The following MYO9A variants were observed in gnomAD, a reference collection of about 807,000 sequenced individuals.
The protein encoded by MYO9A is myosin IXA.
In MYO9A, 103 loss-of-function variants were observed where a neutral mutation model predicts 293.3. The ratio of observed to expected loss-of-function variants is 0.35; its 90% CI spans 0.30 to 0.41. The LOEUF is 0.41. Ranked by LOEUF, MYO9A falls within the 10% of genes least tolerant of loss-of-function variation. The probability of loss-of-function intolerance (pLI) is 1.00; values close to 1 mark genes in which losing one functional copy is unlikely to be tolerated. For synonymous variants in MYO9A, 1,001 were observed against 1,035.7 expected, an observed-to-expected ratio of 0.97 and a Z score of 0.64; for missense variants, 2,685 against 3,033.0, an observed-to-expected ratio of 0.89 and a Z score of 2.69.
chr15:71,981,925 G>A (rs181149522), intron 11 of MYO9A, among the ~76,000 whole-genome samples: 1 of 150,022 alleles, frequency 6.7e-6, no homozygotes, highest in East Asian at 2.0e-4. Context: ...ATAGCTTTAG[G>A]CATTTCCCAT....
intron 19 of MYO9A, 54 bp downstream of exon 19, chr15:71,916,316 T>C (rs2058010805): frequency 2.5e-6 from 4 of 1,580,240 alleles, no homozygotes; most frequent in South Asian, 2.4e-5. Context: ...AACCTTTCAA[T>C]GACAATCTGA....
intron 1 of MYO9A, among the ~76,000 whole-genome samples, chr15:72,048,396 CA>C (rs200287252): frequency 0.25 from 31,088 of 123,922 alleles, 3,350 homozygotes; most frequent in East Asian, 0.44. Flanking sequence ...GAGACTGTCT[CA>C]AAAAAAAAAA....
intron 25 of MYO9A, among the ~76,000 whole-genome samples, chr15:71,894,620 T>C (rs540562770): frequency 1.3e-5 from 2 of 152,212 alleles, no homozygotes; most frequent in East Asian, 1.9e-4. Context: ...TGATGTTGAA[T>C]AGCCTAAAAT....
intron 7 of MYO9A, 103 bp from the exon 8 acceptor site, chr15:72,008,055 T>C (rs977383063): frequency 2.8e-5 from 38 of 1,369,072 alleles, no homozygotes; most frequent in Non-Finnish European, 3.7e-5. Context: ...ATATGAAGTA[T>C]TTAGTCTTTG....
chr15:71,822,572 T>C lies in MYO9A; in HGVS notation c.*4008A>G, dbSNP rs1178309911. 6.6e-6 allele frequency: 1 copy of C among 152,228 alleles called. No homozygotes were observed. Among genetic ancestry groups the C allele is most frequent in the African/African-American group, 2.4e-5 (1 of 41,462 alleles). The allele number at this position is 152,228 out of a possible 1,614,324, so 9.4% of individuals were successfully genotyped here. On this transcript the variant is annotated 3_prime_UTR_variant, in exon 42 of 42. Coordinates refer to ENST00000356056, the MANE Select transcript of MYO9A (RefSeq NM_006901.4). ...GTAAAATGTTATATTTCACAGGATA[T>C]GTCCTTTTATAATACAGTTTTTAAA...
In MYO9A at chr15:71,880,530, A is replaced by C; in HGVS notation, c.5427T>G (p.Pro1809=). ...AACTGCCGGGCAGTTCTGGGCTCAA[A>C]GGAGGTGTTGGGTGATATGCAGCTA... The part of the protein sequence containing the change: ...DELAAYHPTP[P]LSPELPGSCR... Residue 1809 remains proline (P), a synonymous_variant, in exon 29 of 42, where the codon CCT becomes CCG. Transcript: ENST00000356056. 1 of 1,614,134 alleles carries C rather than the reference A, an allele frequency of 6.2e-7. No individual in the cohort carries two copies. Among genetic ancestry groups the C allele is most frequent in the Non-Finnish European group, 8.5e-7 (1 of 1,179,968 alleles).
intron 8 of MYO9A, among the ~76,000 whole-genome samples, chr15:72,007,377 T>C (rs902505976): frequency 2.6e-5 from 4 of 151,490 alleles, no homozygotes; most frequent in Admixed American, 6.6e-5. Flanking sequence ...CTTTATGTCC[T>C]ATTCAACCCA....
chr15:72,046,354 A>G lies in MYO9A; in HGVS notation c.210T>C (p.Gly70=). 1 of 1,613,912 alleles carries G rather than the reference A, an allele frequency of 6.2e-7. No individual in the cohort carries two copies. Among genetic ancestry groups the G allele is most frequent in the South Asian group, 1.1e-5 (1 of 91,088 alleles). ...TTGGATTGAGAATCCATTCTTCTCC[A>G]CCAAATTCCTTTACCTCTGCTAGAA... is the stretch of plus-strand genomic sequence containing the variant. ...CYVLAEVKEF[G]GEEWILNPTD... Residue 70 remains glycine, a synonymous_variant, in exon 2 of 42, where the codon GGT becomes GGC. Transcript: ENST00000356056.
At chr15:72,096,987 G>A (rs1047859129) in intron 1 of MYO9A, among the ~76,000 whole-genome samples, 1 of 152,202 alleles carries the variant, frequency 6.6e-6, no homozygotes. Context: ...GCTTCTTACT[G>A]ATGACCAAAG....
At chr15:72,085,169 T>C (rs2079677044) in intron 1 of MYO9A, among the ~76,000 whole-genome samples, 1 of 151,922 alleles carries the variant, frequency 6.6e-6, no homozygotes, top group Non-Finnish European at 1.5e-5. Flanking sequence ...CCAAGGTGGG[T>C]GAATCATGAA....
intron 32 of MYO9A, among the ~76,000 whole-genome samples, chr15:71,864,165 G>A (rs1048680358): frequency 2.0e-5 from 3 of 152,076 alleles, no homozygotes; most frequent in East Asian, 1.9e-4. Flanking sequence ...TCAAAAATGG[G>A]CAAAATACTG....
intron 1 of MYO9A, among the ~76,000 whole-genome samples, chr15:72,049,125 A>C (rs2078478822): frequency 6.6e-6 from 1 of 152,190 alleles, no homozygotes; most frequent in Non-Finnish European, 1.5e-5. Flanking sequence ...TTACAAGTGC[A>C]CTTTTGATGG....
rs1476195374 is a variant in MYO9A, at chr15:71,826,956, T to A, written c.7271A>T (p.Asp2424Val). Residue 2424 changes from aspartate (D) to valine (V), a missense_variant, in exon 42 of 42, where the codon GAC becomes GTC. This residue lies in a region of MYO9A where 350 missense variants were observed against 328.9 expected (regional missense o/e 1.06). Transcript: ENST00000356056. Reference protein sequence around the residue: ...KLRKQLKKQQDSLDVVDSSVS... With the variant: ...KLRKQLKKQQVSLDVVDSSVS... ...CGAAGAGTCCACGACATCTAAAGAGTCTTGCTGCTTTTTAAGTTGCTTTCG... is the reference window on the plus strand; with the variant it reads ...CGAAGAGTCCACGACATCTAAAGAGACTTGCTGCTTTTTAAGTTGCTTTCG... 6.2e-7 allele frequency: 1 copy of A among 1,613,592 alleles called. No homozygotes were observed. Among genetic ancestry groups the A allele is most frequent in the Non-Finnish European group, 8.5e-7 (1 of 1,179,856 alleles).
chr15:72,019,183 C>A, intron 5 of MYO9A, 88 bp from the exon 6 acceptor site: 2 of 1,072,320 alleles, frequency 1.9e-6, no homozygotes, highest in South Asian at 1.3e-5. Context: ...AGTAGTACTG[C>A]TGCTCTCCAT....
chr15:71,898,556 T>C lies in MYO9A; in HGVS notation c.3947A>G (p.Gln1316Arg), dbSNP rs780594914. ...WSTELVPEGL[Q>R]SPRGTPDSES... is the part of the protein sequence containing the mutation. ...ACTATCAGGTGTACCCCGTGGAGAC[T>C]GAAGGCCTTCAGGCACCAATTCTGT... The change falls in exon 25 of 42, where the codon CAG becomes CGG. Residue 1316 changes from glutamine to arginine, a missense_variant. Coordinates refer to ENST00000356056, the MANE Select transcript of MYO9A (RefSeq NM_006901.4). 5 of 1,614,112 alleles carry C rather than the reference T, an allele frequency of 3.1e-6. No homozygotes were observed. The highest frequency in any genetic ancestry group is 2.2e-5 in the South Asian group (2 of 91,078).
intron 4 of MYO9A, among the ~76,000 whole-genome samples, chr15:72,023,793 A>C (rs2077579367): frequency 6.6e-6 from 1 of 152,110 alleles, no homozygotes; most frequent in Admixed American, 6.5e-5. Context: ...TGAAAAAACA[A>C]TTGCCAAAAT....
chr15:72,071,483 G>A (rs2079189244), intron 1 of MYO9A, among the ~76,000 whole-genome samples: 1 of 152,224 alleles, frequency 6.6e-6, no homozygotes. Flanking sequence ...GCTCACGCCT[G>A]TAATCCCAGC....
At chr15:71,971,492 C>T (rs529081403) in intron 12 of MYO9A, among the ~76,000 whole-genome samples, 12 of 151,082 alleles carry the variant, frequency 7.9e-5, no homozygotes, top group South Asian at 6.3e-4. Flanking sequence ...GAGGCTGAGG[C>T]GAGATCACTC....
chr15:71,934,946 G>T (rs1161185782), intron 17 of MYO9A, among the ~76,000 whole-genome samples: 1 of 151,730 alleles, frequency 6.6e-6, no homozygotes, highest in Non-Finnish European at 1.5e-5. Flanking sequence ...ACCATTTATA[G>T]ATTTTCTTGC....
Sources: gnomAD v4.1 joint callset for allele counts (sites outside exome capture counted in the v4.1 genomes callset) on GRCh38, gnomAD v4.1.1 for gene constraint, gnomAD v4.1.1 regional missense constraint, MANE v1.5 for transcripts, NCBI Gene and HGNC (gene_info 2026-07-23, HGNC 2026-07-21) for gene names.